Variants in IDE observed in about 807,000 individuals in gnomAD.
IDE encodes insulin-degrading enzyme.
IDE carries 58 observed loss-of-function variants against 133.2 expected under a neutral mutation model. The ratio of observed to expected loss-of-function variants is 0.44; its 90% confidence interval spans 0.35 to 0.54. IDE has a LOEUF of 0.54. Ranked by LOEUF, IDE falls within the 20% of genes least tolerant of loss-of-function variation. The probability of loss-of-function intolerance (pLI) is 0.00; values close to 1 mark genes in which losing one functional copy is unlikely to be tolerated. For synonymous variants in IDE, 396 were observed against 421.3 expected, an observed-to-expected ratio of 0.94 and a Z score of 0.73; for missense variants, 981 against 1,234.0, an observed-to-expected ratio of 0.79 and a Z score of 3.07.
intron 22 of IDE, among the ~76,000 whole-genome samples, chr10:92,460,913 T>G (rs1284589619): frequency 6.6e-6 from 1 of 152,214 alleles, no homozygotes; most frequent in Non-Finnish European, 1.5e-5. Context: ...TGATCTCCAC[T>G]CACTGCAACC....
intron 15 of IDE, among the ~76,000 whole-genome samples, 181 bp from the exon 16 acceptor site, chr10:92,476,175 C>CTTT (rs869242486): frequency 7.0e-6 from 1 of 142,878 alleles, no homozygotes; most frequent in Non-Finnish European, 1.5e-5. Flanking sequence ...CATTAACCAT[C>CTTT]TTTTTTTTTT....
At chr10:92,496,852 C>T (rs567949314) in intron 11 of IDE, among the ~76,000 whole-genome samples, 30 of 152,298 alleles carry the variant, frequency 2.0e-4, no homozygotes, top group African/African-American at 6.7e-4. Flanking sequence ...ATTTCTAATG[C>T]TTAGGCAACT....
rs1243325610 is a variant in IDE at position 92,453,909 on chromosome 10, A to G, written c.*535T>C. 6.6e-6 allele frequency: 1 copy of G among 152,274 alleles called. No homozygotes were observed. Among genetic ancestry groups the G allele is most frequent in the Non-Finnish European group, 1.5e-5 (1 of 68,080 alleles). 9.4% of individuals were successfully genotyped at this position (152,274 alleles called of 1,614,324 possible). On this transcript the variant is annotated 3_prime_UTR_variant, in exon 25 of 25. Coordinates refer to ENST00000265986, the MANE Select transcript of IDE (RefSeq NM_004969.4). ...TATAAAAAGATTAAAACCATGCCTT[A>G]TATAACCAGCATTTCACTAATAAAA...
chr10:92,511,102 C>CTTTTTT (rs749758838), intron 5 of IDE, among the ~76,000 whole-genome samples: 1 of 105,416 alleles, frequency 9.5e-6, no homozygotes. Context: ...AAAAAAAAAA[C>CTTTTTT]TTTTTTTTTT....
At chr10:92,466,686 C>T (rs1411186864) in intron 19 of IDE, among the ~76,000 whole-genome samples, 2 of 149,820 alleles carry the variant, frequency 1.3e-5, no homozygotes, top group African/African-American at 2.5e-5. Context: ...GGTGCAATCT[C>T]GGCTCACTGC....
At chr10:92,501,320 C>T (rs1348481961) in intron 11 of IDE, among the ~76,000 whole-genome samples, 1 of 123,116 alleles carries the variant, frequency 8.1e-6, no homozygotes, top group Non-Finnish European at 1.6e-5. Flanking sequence ...CAAGATGACA[C>T]TAGTGCACTC....
chr10:92,531,651 AATATATACATAAATATATTTT>A (rs1361847112), intron 4 of IDE, 76 bp downstream of exon 4: 33 of 471,198 alleles, frequency 7.0e-5, no homozygotes, highest in Non-Finnish European at 8.4e-5. Flanking sequence ...TATATACATA[AATATATACATAAATATATTTT>A]ATATATACAT....
intron 1 of IDE, among the ~76,000 whole-genome samples, chr10:92,552,237 TTC>T (rs1474036938): frequency 1.3e-5 from 2 of 152,180 alleles, no homozygotes; most frequent in Non-Finnish European, 1.5e-5. Context: ...TTAAAAATGT[TTC>T]TCACAGGTGA....
At chr10:92,570,555 C>T (rs1477249956) in intron 1 of IDE, among the ~76,000 whole-genome samples, 6 of 152,086 alleles carry the variant, frequency 3.9e-5, no homozygotes, top group African/African-American at 1.4e-4. Context: ...AAAAGGTAGC[C>T]TGATCCTCTG....
At chr10:92,561,093 A>G (rs538618613) in intron 1 of IDE, among the ~76,000 whole-genome samples, 1 of 151,692 alleles carries the variant, frequency 6.6e-6, no homozygotes, top group Admixed American at 6.6e-5. Flanking sequence ...TCTTTCTACT[A>G]AAAAAATACA....
At chr10:92,508,973 T>C (rs1848446753) in intron 6 of IDE, 83 bp from the exon 7 acceptor site, 3 of 1,141,924 alleles carry the variant, frequency 2.6e-6, no homozygotes, top group African/African-American at 1.5e-5. Flanking sequence ...ATGATTTTCA[T>C]GGGAGAATCC....
At chr10:92,508,579 A>T in intron 7 of IDE, 149 bp downstream of exon 7, 1 of 579,764 alleles carries the variant, frequency 1.7e-6, no homozygotes, top group Non-Finnish European at 2.9e-6. Context: ...AAAAAAAGGC[A>T]ACAGCGTGCC....
chr10:92,506,143 A>G (rs762633362), intron 10 of IDE, among the ~76,000 whole-genome samples: 11 of 152,240 alleles, frequency 7.2e-5, no homozygotes, highest in Non-Finnish European at 1.0e-4. Context: ...AATTTTAAAA[A>G]AGTAAATGAT....
intron 5 of IDE, among the ~76,000 whole-genome samples, chr10:92,514,150 C>A (rs144746027): frequency 1.3e-5 from 2 of 151,948 alleles, no homozygotes; most frequent in African/African-American, 2.4e-5. Flanking sequence ...AGTAAAAATG[C>A]ATCTTTACTT....
intron 4 of IDE, among the ~76,000 whole-genome samples, chr10:92,524,437 ATAATATATT>A (rs1564647890): frequency 3.1e-5 from 2 of 64,334 alleles, no homozygotes; most frequent in Non-Finnish European, 5.5e-5. Flanking sequence ...TATATTTTAT[ATAATATATT>A]TTATATATTA....
intron 1 of IDE, among the ~76,000 whole-genome samples, chr10:92,560,787 A>C (rs1369242127): frequency 6.6e-6 from 1 of 151,854 alleles, no homozygotes; most frequent in African/African-American, 2.4e-5. Context: ...CGTCTCAAAA[A>C]AAAAAAAAGA....
intron 6 of IDE, among the ~76,000 whole-genome samples, chr10:92,509,391 G>A (rs1848467058): frequency 6.6e-6 from 1 of 151,966 alleles, no homozygotes; most frequent in Non-Finnish European, 1.5e-5. Flanking sequence ...TCAGGAGTTC[G>A]ACCTCAGCCT....
At chr10:92,568,032 G>C (rs1471688354) in intron 1 of IDE, among the ~76,000 whole-genome samples, 3 of 152,142 alleles carry the variant, frequency 2.0e-5, no homozygotes, top group African/African-American at 4.8e-5. Context: ...TTCCTTCAAA[G>C]ACTCTTGTTC....
chr10:92,503,326 TA>T (rs1210003501), intron 11 of IDE, among the ~76,000 whole-genome samples: 8 of 152,220 alleles, frequency 5.3e-5, no homozygotes, highest in African/African-American at 1.9e-4. Flanking sequence ...TATCATAATA[TA>T]AAAAAATCAT....
Sources: gnomAD v4.1 joint callset for allele counts (sites outside exome capture counted in the v4.1 genomes callset) on GRCh38, gnomAD v4.1.1 for gene constraint, MANE v1.5 for transcripts, NCBI Gene and HGNC (gene_info 2026-07-23, HGNC 2026-07-21) for gene names.